STK33: variants seen among roughly 807,000 people sequenced by gnomAD.
STK33 encodes the protein serine/threonine-protein kinase 33.
STK33 carries 52 observed loss-of-function variants against 58.0 expected under a neutral mutation model. The ratio of observed to expected loss-of-function variants is 0.90; its 90% confidence interval spans 0.72 to 1.13. The LOEUF is 1.13. Among genes scored for constraint, STK33 ranks in the 50% most tolerant of loss-of-function variants. The pLI is 0.00. For synonymous variants in STK33, 215 were observed against 200.1 expected (o/e 1.07, Z -0.63); for missense variants, 630 against 604.2 (o/e 1.04, Z -0.45).
chr11:8,529,936 G>A (rs559078347), intron 1 of STK33, among the ~76,000 whole-genome samples: 59 of 152,288 alleles, frequency 3.9e-4, no homozygotes, highest in Non-Finnish European at 7.8e-4. Context: ...AATTAGTTAC[G>A]TGAGCAAGAG....
chr11:8,490,091 G>A (rs2138614937), intron 1 of STK33, among the ~76,000 whole-genome samples: 1 of 152,314 alleles, frequency 6.6e-6, no homozygotes, highest in East Asian at 1.9e-4. Flanking sequence ...AGCCCATGGA[G>A]GGCGAGCCGA....
At chr11:8,365,052 G>A in the STK33 span, among the ~76,000 whole-genome samples, 2 of 145,654 alleles carry the variant, frequency 1.4e-5, no homozygotes, top group African/African-American at 4.9e-5. Flanking sequence ...AGGGCCAGCA[G>A]GGAACAGCTG....
intron 15 of STK33, among the ~76,000 whole-genome samples, chr11:8,412,790 G>A (rs1940493107): frequency 1.3e-5 from 2 of 152,072 alleles, no homozygotes; most frequent in South Asian, 4.1e-4. Flanking sequence ...GAAATTTTCT[G>A]CAAATTCAGA....
the STK33 span, among the ~76,000 whole-genome samples, chr11:8,371,813 C>CCCTTCCTCCTTCCCTCCCACCCTT: frequency 5.6e-4 from 81 of 145,814 alleles, no homozygotes; most frequent in Non-Finnish European, 9.6e-4. Flanking sequence ...CTCTCTCCCT[C>CCCTTCCTCCTTCCCTCCCACCCTT]CCTTCCTCCT....
At chr11:8,362,602 C>A in the STK33 span, among the ~76,000 whole-genome samples, 1 of 152,212 alleles carries the variant, frequency 6.6e-6, no homozygotes, top group Admixed American at 6.5e-5. Flanking sequence ...CATTTCAAAA[C>A]GCCATTTGTG....
At chr11:8,550,998 A>C (rs1339820215) in intron 1 of STK33, among the ~76,000 whole-genome samples, 9 of 152,182 alleles carry the variant, frequency 5.9e-5, no homozygotes, top group Admixed American at 5.9e-4. Flanking sequence ...AAAGAGATTT[A>C]ATGGACTCAC....
At chr11:8,520,236 CA>C (rs1196672429) in intron 1 of STK33, among the ~76,000 whole-genome samples, 3 of 152,130 alleles carry the variant, frequency 2.0e-5, no homozygotes, top group African/African-American at 7.2e-5. Context: ...GAGCCAAAGA[CA>C]AAAACCACAT....
chr11:8,396,650 G>A (rs187154969), intron 15 of STK33, among the ~76,000 whole-genome samples: 23 of 152,312 alleles, frequency 1.5e-4, no homozygotes, highest in Non-Finnish European at 2.6e-4. Context: ...AACGTGAGCC[G>A]AAGCAGGGTG....
At chr11:8,427,103 T>C (rs919319561) in intron 14 of STK33, among the ~76,000 whole-genome samples, 3 of 152,152 alleles carry the variant, frequency 2.0e-5, no homozygotes, top group African/African-American at 4.8e-5. Context: ...TCTTGTGGCA[T>C]CTCCTGGATT....
At chr11:8,555,092 T>A (rs1956640491) in intron 1 of STK33, 1 of 151,884 alleles carries the variant, frequency 6.6e-6, no homozygotes, top group African/African-American at 2.4e-5. Flanking sequence ...CCCTTGAGAA[T>A]CATCATCATG....
chr11:8,419,112 TTTG>T, intron 14 of STK33, among the ~76,000 whole-genome samples: 1 of 152,188 alleles, frequency 6.6e-6, no homozygotes, highest in Non-Finnish European at 1.5e-5. Flanking sequence ...ATTTTTTGCT[TTTG>T]TTGTGATTGC....
At chr11:8,455,745 A>C (rs139544300) in intron 9 of STK33, among the ~76,000 whole-genome samples, 133 of 137,632 alleles carry the variant, frequency 9.7e-4, no homozygotes, top group African/African-American at 3.5e-3. Flanking sequence ...TGGGAGGCGG[A>C]GCTTGCAGTG....
At chr11:8,407,243 G>C (rs570627054) in intron 15 of STK33, among the ~76,000 whole-genome samples, 92 of 151,974 alleles carry the variant, frequency 6.1e-4, no homozygotes, top group Non-Finnish European at 1.1e-3. Context: ...TCTGGATTCA[G>C]TTTGCTAATA....
chr11:8,586,159 G>A (rs970337082), intron 1 of STK33, among the ~76,000 whole-genome samples: 2 of 149,790 alleles, frequency 1.3e-5, no homozygotes, highest in African/African-American at 4.9e-5. Context: ...AAAGGCTACA[G>A]TGAGCCAAGA....
At chr11:8,448,780 A>C (rs2136760128) in intron 11 of STK33, among the ~76,000 whole-genome samples, 1 of 152,320 alleles carries the variant, frequency 6.6e-6, no homozygotes, top group East Asian at 1.9e-4. Flanking sequence ...AAAATTGACA[A>C]ATGGGACCTA....
intron 1 of STK33, among the ~76,000 whole-genome samples, chr11:8,513,014 T>C (rs1186290380): frequency 1.3e-5 from 2 of 152,218 alleles, no homozygotes; most frequent in East Asian, 3.8e-4. Context: ...ATGAAATTCC[T>C]ATTTATATAT....
chr11:8,550,933 A>G (rs1463561137), intron 1 of STK33, among the ~76,000 whole-genome samples: 1 of 152,066 alleles, frequency 6.6e-6, no homozygotes, highest in Non-Finnish European at 1.5e-5. Flanking sequence ...ACTGGTACCA[A>G]TTTACAGTGT....
At chr11:8,522,762 C>T (rs1282422778) in intron 1 of STK33, among the ~76,000 whole-genome samples, 1 of 152,054 alleles carries the variant, frequency 6.6e-6, no homozygotes, top group Non-Finnish European at 1.5e-5. Flanking sequence ...CTCTCCCTCT[C>T]CCTTTCCCTC....
At chr11:8,396,600 A>C (rs1231754034) in intron 15 of STK33, among the ~76,000 whole-genome samples, 2 of 152,218 alleles carry the variant, frequency 1.3e-5, no homozygotes, top group Non-Finnish European at 2.9e-5. Flanking sequence ...TACCAGGTTC[A>C]TCTCACTGGG....
Sources: gnomAD v4.1 joint callset for allele counts (sites outside exome capture counted in the v4.1 genomes callset) on GRCh38, gnomAD v4.1.1 for gene constraint, MANE v1.5 for transcripts, NCBI Gene and HGNC (gene_info 2026-07-23, HGNC 2026-07-21) for gene names.